C1QTNF1: variants seen among roughly 807,000 people sequenced by gnomAD.
C1QTNF1 encodes complement C1q tumor necrosis factor-related protein 1.
A neutral mutation model predicts 27.8 loss-of-function variants in C1QTNF1; 22 were observed. That is an observed-to-expected ratio of 0.79 (90% CI 0.56 to 1.13). C1QTNF1 has a LOEUF of 1.13. Among genes scored for constraint, C1QTNF1 ranks in the 50% most tolerant of loss-of-function variants. The probability of loss-of-function intolerance (pLI) is 0.00; values close to 1 mark genes in which losing one functional copy is unlikely to be tolerated. For synonymous variants in C1QTNF1, 166 were observed against 154.3 expected, an observed-to-expected ratio of 1.08 and a Z score of -0.56; for missense variants, 373 against 380.2, an observed-to-expected ratio of 0.98 and a Z score of 0.16.
At chr17:79,038,751 G>C (rs970431128) in intron 1 of C1QTNF1, among the ~76,000 whole-genome samples, 2 of 152,188 alleles carry the variant, frequency 1.3e-5, no homozygotes, top group Admixed American at 6.5e-5. Flanking sequence ...CTACTGTAGG[G>C]GGATTTTTGC....
At chr17:79,032,221 C>T (rs887262930) in intron 1 of C1QTNF1, among the ~76,000 whole-genome samples, 2 of 152,110 alleles carry the variant, frequency 1.3e-5, no homozygotes, top group Non-Finnish European at 2.9e-5. Context: ...GGGCAACTTC[C>T]CGGAGGAGGT....
At chr17:79,035,205 A>G in intron 1 of C1QTNF1, among the ~76,000 whole-genome samples, 2 of 152,142 alleles carry the variant, frequency 1.3e-5, no homozygotes, top group Non-Finnish European at 2.9e-5. Flanking sequence ...TTGGCACCCC[A>G]GTACCTGAAT....
chr17:79,028,013 G>A (rs765949382), intron 1 of C1QTNF1, among the ~76,000 whole-genome samples: 6 of 152,198 alleles, frequency 3.9e-5, no homozygotes, highest in Non-Finnish European at 7.3e-5. Context: ...CCCTCCCCGG[G>A]CCCCCATCCT....
chr17:79,047,678 G>C lies in C1QTNF1; in HGVS notation c.436G>C (p.Ala146Pro), dbSNP rs767734960. 1 of 1,613,866 alleles carries C rather than the reference G, an allele frequency of 6.2e-7. No individual in the cohort carries two copies. Among genetic ancestry groups the C allele is most frequent in the Non-Finnish European group, 8.5e-7 (1 of 1,179,942 alleles). The change falls in exon 4 of 4, where the codon GCC (alanine) becomes CCC (proline). Residue 146 changes from alanine to proline, a missense_variant. Coordinates refer to ENST00000579760, the MANE Select transcript of C1QTNF1 (RefSeq NM_030968.5). ...TGGGGAGCGGTGCAAGAGCCACTAC[G>C]CCGCCTTTTCGGTGGGCCGGAAGAA... ...APGERCKSHY[A>P]AFSVGRKKPM...
Position 79,047,648 on chromosome 17 carries a change from G to T in C1QTNF1, c.406G>T (p.Ala136Ser). 6.2e-7 allele frequency: 1 copy of T among 1,608,098 alleles called. No individual in the cohort carries two copies. Among genetic ancestry groups the T allele is most frequent in the Non-Finnish European group, 8.5e-7 (1 of 1,175,824 alleles). ...CAAAGGGCAGAAGGGCTCCATGGGG[G>T]CCCCTGGGGAGCGGTGCAAGAGCCA... ...GPKGQKGSMG[A>S]PGERCKSHYA... Residue 136 changes from alanine (A) to serine (S), a missense_variant, in exon 4 of 4, where the codon GCC (alanine) becomes TCC (serine). By Grantham distance (99) the Ala-to-Ser change is moderately conservative. Coordinates refer to ENST00000579760, the MANE Select transcript of C1QTNF1 (RefSeq NM_030968.5).
chr17:79,045,634 T>C (rs1429637888), intron 2 of C1QTNF1, among the ~76,000 whole-genome samples: 1 of 152,078 alleles, frequency 6.6e-6, no homozygotes, highest in Non-Finnish European at 1.5e-5. Flanking sequence ...TGCCGAAGGC[T>C]CCACCCTGGG....
At chr17:79,030,485 T>TTCTTTTTCTTTCTTTCTTTCTTTC (rs1471598732) in intron 1 of C1QTNF1, among the ~76,000 whole-genome samples, 4 of 121,870 alleles carry the variant, frequency 3.3e-5, no homozygotes, top group African/African-American at 7.3e-5. Context: ...CTTTCTTTCT[T>TTCTTTTTCTTTCTTTCTTTCTTTC]TTTCTTTCTT....
Position 79,043,947 on chromosome 17 carries a change from C to G in C1QTNF1, c.-14-8C>G. ...CGGTGCCTTCCCTGTGTGTTTCTTT[C>G]CCACCAGGGCCCGGCAGGAAGATGG... On this transcript the variant is annotated splice_region_variant and splice_polypyrimidine_tract_variant and intron_variant, in intron 1 of 3. Coordinates refer to ENST00000579760, the MANE Select transcript of C1QTNF1 (RefSeq NM_030968.5). 6.2e-7 allele frequency: 1 copy of G among 1,613,612 alleles called. No homozygotes were observed. The highest frequency in any genetic ancestry group is 8.5e-7 in the Non-Finnish European group (1 of 1,179,958).
intron 2 of C1QTNF1, among the ~76,000 whole-genome samples, chr17:79,044,822 G>T (rs181539418): frequency 6.6e-6 from 1 of 152,210 alleles, no homozygotes; most frequent in African/African-American, 2.4e-5. Context: ...TGAGCGTTGG[G>T]CTGACTTGAT....
chr17:79,025,206 G>A (rs1267111621), intron 1 of C1QTNF1, among the ~76,000 whole-genome samples: 2 of 152,168 alleles, frequency 1.3e-5, no homozygotes, highest in African/African-American at 2.4e-5. Flanking sequence ...TGGACCCACC[G>A]CCCACCACCC....
At chr17:79,045,438 A>C (rs565603086) in intron 2 of C1QTNF1, among the ~76,000 whole-genome samples, 152 of 152,294 alleles carry the variant, frequency 1.0e-3, no homozygotes, top group African/African-American at 3.5e-3. Context: ...GAAGAATGCC[A>C]GAGGGAGGCA....
At chr17:79,043,846 G>GTCTT (rs1172125872) in intron 1 of C1QTNF1, 109 bp from the exon 2 acceptor site, 1 of 1,219,264 alleles carries the variant, frequency 8.2e-7, no homozygotes, top group South Asian at 1.2e-5. Context: ...CGTGAGGCTG[G>GTCTT]GGAAGCACCT....
chr17:79,044,368 G>A (rs761852978), intron 2 of C1QTNF1, among the ~76,000 whole-genome samples: 1 of 152,182 alleles, frequency 6.6e-6, no homozygotes, highest in African/African-American at 2.4e-5. Context: ...AAAGGAGTGG[G>A]GTCTGCAAGT....
At chr17:79,037,645 T>C (rs2072294981) in intron 1 of C1QTNF1, among the ~76,000 whole-genome samples, 1 of 152,168 alleles carries the variant, frequency 6.6e-6, no homozygotes, top group Non-Finnish European at 1.5e-5. Context: ...ACCACAGAGC[T>C]AAGAGGCCTG....
upstream of C1QTNF1, among the ~76,000 whole-genome samples, chr17:79,023,747 T>C (rs930720389): frequency 6.8e-6 from 1 of 147,192 alleles, no homozygotes; most frequent in Admixed American, 6.6e-5. Context: ...CAGTTTGGCA[T>C]TTTGTTATAG....
chr17:79,037,023 C>G lies in C1QTNF1; in HGVS notation c.-14-6932C>G, dbSNP rs114974473. 3.0e-3 allele frequency among the ~76,000 whole-genome samples: 460 copies of G among 152,318 alleles called. 2 individuals are homozygous for G. Among genetic ancestry groups the G allele is most frequent in the African/African-American group, 0.01 (435 of 41,582 alleles). On this transcript the variant is annotated intron_variant, in intron 1 of 3. Transcript: ENST00000579760. ...ACCCAGGCACATAGTCCCAGAGCTT[C>G]AGAGGTCCGCTGTCAGCACACAAGC...
Position 79,044,111 on chromosome 17 carries a change from A to C in C1QTNF1, c.143A>C (p.Asp48Ala). The C allele has an allele frequency of 6.2e-7, 1 of 1,609,978 alleles. No homozygotes were observed. Among genetic ancestry groups the C allele is most frequent in the Non-Finnish European group, 8.5e-7 (1 of 1,177,706 alleles). The change falls in exon 2 of 4, where the codon GAC becomes GCC. Residue 48 changes from aspartate to alanine, a missense_variant. Transcript: ENST00000579760. Reference sequence around the variant, plus strand: ...ACTGAGGAGCTGCCGTCGCCTCCGGACCATGCCGAGAGGTGAGGGGCCACG... The same window carrying C: ...ACTGAGGAGCTGCCGTCGCCTCCGGCCCATGCCGAGAGGTGAGGGGCCACG... The part of the protein sequence containing the change: ...EGTEELPSPP[D>A]HAERAEEQHE...
chr17:79,034,793 G>A (rs560632175), intron 1 of C1QTNF1, among the ~76,000 whole-genome samples: 1 of 152,152 alleles, frequency 6.6e-6, no homozygotes, highest in South Asian at 2.1e-4. Flanking sequence ...AAGACAGAGG[G>A]CAGCTTTTTG....
chr17:79,046,437 G>A lies in C1QTNF1; in HGVS notation c.156-118G>A. The A allele has an allele frequency of 7.2e-7, 1 of 1,394,884 alleles. No homozygotes were observed. The highest frequency in any genetic ancestry group is 1.4e-5 in the African/African-American group (1 of 70,470). 86.4% of individuals were successfully genotyped at this position (1,394,884 alleles called of 1,614,324 possible). A position where few individuals can be genotyped will look rare whatever the true frequency, so the allele number is the denominator to read the frequency against. ...CCAGCGTGAACACAGAGCCTTGTGG[G>A]TCCAGGTGAGAGAGTGAGAAGGCAG... is the stretch of plus-strand genomic sequence containing the variant. On this transcript the variant is annotated intron_variant, in intron 2 of 3. Transcript: ENST00000579760. This position sits in a 1 kb window ranked among gnomAD's most constrained non-coding sequence, Gnocchi z 4.8.
Sources: allele counts gnomAD v4.1 joint callset (sites outside exome capture counted in the v4.1 genomes callset), GRCh38; gene constraint gnomAD v4.1.1; non-coding constraint Gnocchi (gnomAD v3.1); transcripts MANE v1.5; gene names NCBI Gene and HGNC (gene_info 2026-07-23, HGNC 2026-07-21).